Variants in PRKCH observed in about 807,000 individuals in gnomAD.
PRKCH encodes the protein protein kinase C eta, also known as protein kinase C eta type.
In PRKCH, 28 loss-of-function variants were observed where a neutral mutation model predicts 82.5. That is an observed-to-expected ratio of 0.34 (90% CI 0.25 to 0.47). The LOEUF is 0.47. Among genes scored for constraint, PRKCH ranks in the 20% least tolerant of loss-of-function variants. The pLI, the probability that PRKCH is intolerant of heterozygous loss-of-function variation, is 1.00. For synonymous variants in PRKCH, 322 were observed against 327.4 expected (o/e 0.98, Z 0.18); for missense variants, 705 against 881.8 (o/e 0.80, Z 2.54).
chr14:61,427,450 G>A (rs1303080430), intron 2 of PRKCH, among the ~76,000 whole-genome samples: 1 of 152,154 alleles, frequency 6.6e-6, no homozygotes, highest in Admixed American at 6.5e-5. Flanking sequence ...CCTGGAAGAG[G>A]AAAGATCTAG....
chr14:61,537,128 G>A (rs2043121019), intron 12 of PRKCH, among the ~76,000 whole-genome samples: 1 of 152,196 alleles, frequency 6.6e-6, no homozygotes, highest in Non-Finnish European at 1.5e-5. Context: ...ACACTGGGAA[G>A]ACTATTTTTC....
chr14:61,506,371 G>A (rs1273242564), intron 10 of PRKCH, among the ~76,000 whole-genome samples: 1 of 152,112 alleles, frequency 6.6e-6, no homozygotes, highest in South Asian at 2.1e-4. Flanking sequence ...TCACATCAGT[G>A]GGGTTGTGAG....
intron 10 of PRKCH, among the ~76,000 whole-genome samples, chr14:61,523,989 A>G (rs1015543631): frequency 6.6e-6 from 1 of 152,212 alleles, no homozygotes; most frequent in Non-Finnish European, 1.5e-5. Flanking sequence ...GAGTTGTGTC[A>G]TTCTCCCTAC....
chr14:61,300,344 A>G lies in PRKCH; in HGVS notation c.-19+112676A>G, dbSNP rs540878739. Among the ~76,000 whole-genome samples the G allele has an allele frequency of 2.0e-5, 3 of 152,370 alleles. No homozygotes were observed. The South Asian group carries it at 6.2e-4, about 32-fold the overall frequency. ...AGACCAATAGTATATTCTGACTGAA[A>G]GAATCTCCATATGACTATCATTCAA... On this transcript the variant is annotated intron_variant, in intron 1 of 3. Transcript: ENST00000555185.
intron 1 of PRKCH, among the ~76,000 whole-genome samples, chr14:61,301,560 GTTC>G (rs2045447536): frequency 1.3e-5 from 2 of 152,220 alleles, no homozygotes; most frequent in Non-Finnish European, 2.9e-5. Context: ...GTACACATCT[GTTC>G]AGGCACTGAG....
chr14:61,339,388 A>G (rs1353397785), intron 1 of PRKCH, among the ~76,000 whole-genome samples: 1 of 150,448 alleles, frequency 6.6e-6, no homozygotes, highest in African/African-American at 2.4e-5. Flanking sequence ...CAGTGGCGCA[A>G]TCTCAGCTCA....
chr14:61,318,412 G>A (rs1450275833), upstream of PRKCH, among the ~76,000 whole-genome samples: 5 of 138,266 alleles, frequency 3.6e-5, no homozygotes, highest in Non-Finnish European at 6.1e-5. Flanking sequence ...CCTATGTCGC[G>A]CAGGGTGGTC....
chr14:61,529,362 A>G, intron 11 of PRKCH, 149 bp downstream of exon 11: 3 of 828,068 alleles, frequency 3.6e-6, no homozygotes, highest in Non-Finnish European at 3.4e-6. Flanking sequence ...TTTATGGCTC[A>G]TTGGGTGAAT....
At chr14:61,392,697 C>T (rs1425530817) in intron 2 of PRKCH, among the ~76,000 whole-genome samples, 2 of 152,064 alleles carry the variant, frequency 1.3e-5, no homozygotes, top group East Asian at 1.9e-4. Context: ...CTTGCCTTTT[C>T]ATTTTCTTAA....
At chr14:61,443,413 T>A in intron 3 of PRKCH, 152 bp downstream of exon 3, 1 of 718,240 alleles carries the variant, frequency 1.4e-6, no homozygotes, top group Non-Finnish European at 2.0e-6. Flanking sequence ...CCCAGTAATT[T>A]AAATCTCCAT....
At position 61,413,246 on chromosome 14, in the gene PRKCH, C is replaced by T. The variant is rs377234775; in HGVS notation, c.427+21958C>T. On this transcript the variant is annotated intron_variant, in intron 2 of 13. Coordinates refer to ENST00000332981, the MANE Select transcript of PRKCH (RefSeq NM_006255.5). ...CTTTCTCTGCAATCTTTCGTGTGAC[C>T]GTGATGCTGCATTTGGTTCTGTTTC... Among the ~76,000 whole-genome samples the T allele has an allele frequency of 1.6e-4, 24 of 152,116 alleles. No homozygotes were observed. In the South Asian group the frequency reaches 2.1e-3, roughly 13 times the overall value.
chr14:61,290,221 G>A (rs866650058), intron 1 of PRKCH, among the ~76,000 whole-genome samples: 1 of 151,214 alleles, frequency 6.6e-6, no homozygotes, highest in African/African-American at 2.4e-5. Flanking sequence ...GAACCTGGGA[G>A]GCGGAGGTTG....
chr14:61,382,473 A>T (rs2046526598), intron 1 of PRKCH, among the ~76,000 whole-genome samples: 2 of 152,102 alleles, frequency 1.3e-5, no homozygotes, highest in Admixed American at 1.3e-4. Flanking sequence ...AAGAAAAACC[A>T]ATACAATCTC....
chr14:61,488,029 T>C (rs1886301993), intron 10 of PRKCH, among the ~76,000 whole-genome samples: 1 of 151,886 alleles, frequency 6.6e-6, no homozygotes, highest in Middle Eastern at 3.2e-3. Flanking sequence ...GGCGGGTGCC[T>C]GTAGTCCCAG....
At chr14:61,385,206 A>C (rs2140191362) in intron 1 of PRKCH, among the ~76,000 whole-genome samples, 1 of 150,848 alleles carries the variant, frequency 6.6e-6, no homozygotes, top group South Asian at 2.1e-4. Context: ...CTCTGACCTC[A>C]GCTCTGTTCT....
intron 9 of PRKCH, among the ~76,000 whole-genome samples, chr14:61,474,484 A>C (rs1412169987): frequency 2.0e-5 from 3 of 152,034 alleles, no homozygotes; most frequent in Non-Finnish European, 2.9e-5. Context: ...GGAACACTGC[A>C]TGTTCTCACT....
intron 1 of PRKCH, among the ~76,000 whole-genome samples, chr14:61,361,468 A>G (rs552196474): frequency 1.8e-3 from 278 of 152,372 alleles, no homozygotes; most frequent in Non-Finnish European, 2.7e-3. Context: ...CCAATGAAGC[A>G]TTAGAATTTC....
chr14:61,276,545 G>A (rs2045204096), intron 1 of PRKCH, among the ~76,000 whole-genome samples: 2 of 151,694 alleles, frequency 1.3e-5, no homozygotes, highest in African/African-American at 2.4e-5. Context: ...TATTAGAGGC[G>A]GGGTTTCACC....
In PRKCH at chr14:61,485,618, G is replaced by A. The variant is rs373645245; in HGVS notation, c.1395G>A (p.Ser465=). ...GCTTCTATGCTGCAGAAATCATTTC[G>A]GCTCTCATGTTCCTCCATGATAAAG... The part of the protein sequence containing the change: ...RARFYAAEII[S]ALMFLHDKGI... Residue 465 remains serine, a synonymous_variant, in exon 10 of 14, where the codon TCG becomes TCA. Coordinates refer to ENST00000332981, the MANE Select transcript of PRKCH (RefSeq NM_006255.5). The A allele has an allele frequency of 4.9e-5, 79 of 1,614,010 alleles. No individual in the cohort carries two copies. The highest frequency in any genetic ancestry group is 5.7e-5 in the Non-Finnish European group (67 of 1,179,978).
Sources: gnomAD v4.1 joint callset for allele counts (sites outside exome capture counted in the v4.1 genomes callset) on GRCh38, gnomAD v4.1.1 for gene constraint, MANE v1.5 for transcripts, NCBI Gene and HGNC (gene_info 2026-07-23, HGNC 2026-07-21) for gene names.